Variants in FAM219A observed in about 807,000 individuals in gnomAD.
The protein encoded by FAM219A is family with sequence similarity 219 member A, also known as protein FAM219A.
A neutral mutation model predicts 23.4 loss-of-function variants in FAM219A; 7 were observed. The observed-to-expected ratio is 0.30, with a 90% CI of 0.17 to 0.56. The LOEUF (loss-of-function observed/expected upper bound fraction) is 0.56. Ranked by LOEUF, FAM219A falls within the 20% of genes least tolerant of loss-of-function variation. The pLI is 0.92. For missense variants in FAM219A, 166 were observed against 246.9 expected (o/e 0.67, Z 2.20); for synonymous variants, 93 against 99.0 (o/e 0.94, Z 0.36).
intron 1 of FAM219A, among the ~76,000 whole-genome samples, chr9:34,426,312 G>T (rs1174945738): frequency 6.6e-6 from 1 of 152,162 alleles, no homozygotes; most frequent in Non-Finnish European, 1.5e-5. Flanking sequence ...TCAGCTCCTT[G>T]TTATGTCCAG....
At chr9:34,442,015 C>G (rs545539703) in intron 1 of FAM219A, among the ~76,000 whole-genome samples, 27 of 152,230 alleles carry the variant, frequency 1.8e-4, no homozygotes, top group Admixed American at 5.9e-4. Flanking sequence ...CTATGCCTAG[C>G]CAACTTTTAT....
chr9:34,402,735 G>A lies in FAM219A; in HGVS notation c.233C>T (p.Pro78Leu). The A allele has an allele frequency of 1.9e-6, 3 of 1,614,192 alleles. No individual in the cohort carries two copies. The highest frequency in any genetic ancestry group is 4.5e-5 in the East Asian group (2 of 44,880). Residue 78 changes from proline (P) to leucine (L), a missense_variant, in exon 3 of 6, where the codon CCC (proline) becomes CTC (leucine). Physicochemically the swap from Pro to Leu is moderately conservative, Grantham distance 98. Coordinates refer to ENST00000651358, the MANE Select transcript of FAM219A (RefSeq NM_001184940.2). ...TCGGGCCATGACATTGTTCTTCTTG[G>A]GTTGCTGGTTGACAGGGCTACCCAT... ...GSMGSPVNQQ[P>L]KKNNVMARTR...
rs1194448625 is a variant in FAM219A, at chr9:34,398,309, T to G, written c.*2655A>C. ...CACGGCTCATGTCTTCCACACACCT[T>G]CCTGGAAATAAATTAGTGAGCACGG... On this transcript the variant is annotated 3_prime_UTR_variant, in exon 6 of 6. Transcript: ENST00000651358. 6.4e-7 allele frequency: 1 copy of G among 1,550,790 alleles called. No homozygotes were observed. Among genetic ancestry groups the G allele is most frequent in the South Asian group, 1.2e-5 (1 of 84,052 alleles).
intron 1 of FAM219A, among the ~76,000 whole-genome samples, chr9:34,446,201 G>T (rs115369671): frequency 0.049 from 7,387 of 151,354 alleles, 246 homozygotes; most frequent in Non-Finnish European, 0.065. Flanking sequence ...CGGGGCGGGG[G>T]GAATTAAAGA....
intron 1 of FAM219A, among the ~76,000 whole-genome samples, chr9:34,424,401 C>T (rs1822382917): frequency 6.6e-6 from 1 of 150,944 alleles, no homozygotes; most frequent in South Asian, 2.1e-4. Context: ...AGTCCAGTCA[C>T]GGTCCAGAGA....
At chr9:34,416,252 A>G (rs1272265360) in intron 1 of FAM219A, among the ~76,000 whole-genome samples, 3 of 118,562 alleles carry the variant, frequency 2.5e-5, no homozygotes, top group African/African-American at 1.0e-4. Flanking sequence ...AGAAAGAAAG[A>G]AAGAAAGGGG....
chr9:34,436,245 AT>A (rs1001950932), intron 1 of FAM219A, among the ~76,000 whole-genome samples: 2 of 151,138 alleles, frequency 1.3e-5, no homozygotes, highest in African/African-American at 4.9e-5. Flanking sequence ...AATTTCTGGG[AT>A]TTTTTTGGGT....
In FAM219A at chr9:34,407,791, G is replaced by A. The variant is rs1174746998; in HGVS notation, c.61-1827C>T. Among the ~76,000 whole-genome samples, 2 of 152,254 alleles carry A rather than the reference G, an allele frequency of 1.3e-5. 1 individual carries two copies. Among genetic ancestry groups the A allele is most frequent in the Non-Finnish European group, 2.9e-5 (2 of 68,050 alleles). ...GCCTGTTCTGCCTTTGCGGATGCAG[G>A]GAGTAGACAGATGGGCATGTAGAAT... On this transcript the variant is annotated intron_variant, in intron 1 of 5. Transcript: ENST00000651358.
At chr9:34,404,709 A>AAACAACAACAACAAC (rs3036359) in intron 2 of FAM219A, among the ~76,000 whole-genome samples, 2 of 150,896 alleles carry the variant, frequency 1.3e-5, no homozygotes, top group African/African-American at 4.9e-5. Flanking sequence ...CTCTGTCTCA[A>AAACAACAACAACAAC]AACAACAACA....
intron 1 of FAM219A, among the ~76,000 whole-genome samples, chr9:34,437,855 A>G (rs543943721): frequency 1.3e-5 from 2 of 152,196 alleles, no homozygotes; most frequent in Non-Finnish European, 2.9e-5. Context: ...CCACCGCTGC[A>G]CCGTGGGAGC....
chr9:34,398,505 C>G lies in FAM219A; in HGVS notation c.*2459G>C. The G allele has an allele frequency of 3.5e-6, 3 of 855,640 alleles. No individual in the cohort carries two copies. Among genetic ancestry groups the G allele is most frequent in the Non-Finnish European group, 3.6e-6 (2 of 555,464 alleles). The allele number at this position is 855,640 out of a possible 1,614,324, so 53.0% of individuals were successfully genotyped here. ...TCCCTAGACACAGAAGCTGCCACTG[C>G]CAGCTTCCTGCCTCTCTCTGCCACA... is the stretch of plus-strand genomic sequence containing the variant. On this transcript the variant is annotated 3_prime_UTR_variant, in exon 6 of 6. Coordinates refer to ENST00000651358, the MANE Select transcript of FAM219A (RefSeq NM_001184940.2).
chr9:34,415,060 C>T (rs1821948914), intron 1 of FAM219A, among the ~76,000 whole-genome samples: 1 of 152,066 alleles, frequency 6.6e-6, no homozygotes, highest in Admixed American at 6.6e-5. Context: ...CAAGTGACCT[C>T]CTGCCTTAGC....
intron 1 of FAM219A, among the ~76,000 whole-genome samples, chr9:34,445,507 A>G (rs1823334390): frequency 6.6e-6 from 1 of 152,208 alleles, no homozygotes; most frequent in Non-Finnish European, 1.5e-5. Context: ...GCAGAAGAGA[A>G]TTGTTAAGAG....
At position 34,417,100 on chromosome 9, in the gene FAM219A, G is replaced by A. The variant is rs1419805813; in HGVS notation, c.61-11136C>T. On this transcript the variant is annotated intron_variant, in intron 1 of 5. Transcript: ENST00000651358. The surrounding 1 kb of genome is among the most constrained non-coding windows in gnomAD (Gnocchi z 4.1). Reference sequence around the variant, plus strand: ...TTCTTCTTTTTGGAGTCAGAGTCTCGCTCTGGTGCCCAGGCTGGTTGCCCA... The same window carrying A: ...TTCTTCTTTTTGGAGTCAGAGTCTCACTCTGGTGCCCAGGCTGGTTGCCCA... Among the ~76,000 whole-genome samples the A allele has an allele frequency of 2.0e-5, 3 of 150,454 alleles. No individual in the cohort carries two copies. Among genetic ancestry groups the A allele is most frequent in the African/African-American group, 4.9e-5 (2 of 40,770 alleles).
intron 1 of FAM219A, among the ~76,000 whole-genome samples, chr9:34,448,383 A>G (rs1823443178): frequency 6.6e-6 from 1 of 152,128 alleles, no homozygotes; most frequent in African/African-American, 2.4e-5. Context: ...AATCAACCAA[A>G]CCATGTCAGT....
chr9:34,433,885 C>T (rs1041841758), intron 1 of FAM219A, among the ~76,000 whole-genome samples: 2 of 152,150 alleles, frequency 1.3e-5, no homozygotes, highest in Admixed American at 6.5e-5. Context: ...CTGCCCTCCC[C>T]GTTGCTCAGG....
chr9:34,408,704 C>G (rs1442145816), intron 1 of FAM219A, among the ~76,000 whole-genome samples: 1 of 152,160 alleles, frequency 6.6e-6, no homozygotes, highest in African/African-American at 2.4e-5. Flanking sequence ...GCCCTGATGT[C>G]TCCTATAGTT....
At position 34,457,781 on chromosome 9, in the gene FAM219A, T is replaced by C. The variant is rs1381941794; in HGVS notation, c.60+423A>G. ...CTCTTCTAAAAGCTGATTCCCAATC[T>C]CTCTTAGCCTGACGGCTCCCCCGCC... is the stretch of plus-strand genomic sequence containing the variant. On this transcript the variant is annotated intron_variant, in intron 1 of 5. Transcript: ENST00000651358. This position sits in a 1 kb window ranked among gnomAD's most constrained non-coding sequence, Gnocchi z 5.1. Among the ~76,000 whole-genome samples, 1 of 151,934 alleles carries C rather than the reference T, an allele frequency of 6.6e-6. No homozygotes were observed. The highest frequency in any genetic ancestry group is 1.5e-5 in the Non-Finnish European group (1 of 67,982).
At chr9:34,412,676 G>C (rs1454586318) in intron 1 of FAM219A, among the ~76,000 whole-genome samples, 1 of 152,160 alleles carries the variant, frequency 6.6e-6, no homozygotes, top group Admixed American at 6.5e-5. Flanking sequence ...AGGAGACTGG[G>C]TAGGAACAGA....
Sources: gnomAD v4.1 joint callset for allele counts (sites outside exome capture counted in the v4.1 genomes callset) on GRCh38, gnomAD v4.1.1 for gene constraint, Gnocchi (gnomAD v3.1) non-coding constraint, MANE v1.5 for transcripts, NCBI Gene and HGNC (gene_info 2026-07-23, HGNC 2026-07-21) for gene names.